The following INSC variants were observed in gnomAD, a reference collection of about 807,000 sequenced individuals.
INSC encodes the protein protein inscuteable homolog.
A neutral mutation model predicts 58.6 loss-of-function variants in INSC; 67 were observed. The observed-to-expected ratio is 1.14, with a 90% CI of 0.94 to 1.40. The LOEUF is 1.40. INSC is among the 40% of genes most tolerant of loss of function. The probability of loss-of-function intolerance (pLI) is 0.00; values close to 1 mark genes in which losing one functional copy is unlikely to be tolerated. For synonymous variants in INSC, 262 were observed against 276.1 expected (o/e 0.95, Z 0.51); for missense variants, 714 against 692.0 (o/e 1.03, Z -0.36).
chr11:15,187,737 A>G (rs1714374), intron 5 of INSC, among the ~76,000 whole-genome samples: 109,785 of 152,054 alleles, frequency 0.72, 40,637 homozygotes, highest in East Asian at 0.99. Flanking sequence ...TCTGCCTAGT[A>G]TGCATTTTAA....
intron 7 of INSC, among the ~76,000 whole-genome samples, chr11:15,216,323 T>C (rs1415940016): frequency 2.0e-5 from 3 of 152,174 alleles, no homozygotes; most frequent in African/African-American, 7.2e-5. Flanking sequence ...GAGAGAGGAA[T>C]TGATTGACTG....
At chr11:15,140,326 A>G (rs1020879031) in intron 1 of INSC, among the ~76,000 whole-genome samples, 6 of 152,174 alleles carry the variant, frequency 3.9e-5, no homozygotes, top group African/African-American at 1.4e-4. Flanking sequence ...CTCGTACTTG[A>G]TAACCACAGC....
At chr11:15,173,913 C>G (rs956332363) in intron 2 of INSC, among the ~76,000 whole-genome samples, 3 of 152,168 alleles carry the variant, frequency 2.0e-5, no homozygotes, top group African/African-American at 7.2e-5. Flanking sequence ...TTTTTAACCT[C>G]GATAACTGGA....
At chr11:15,240,327 C>T (rs951195802) in intron 11 of INSC, 120 bp from the exon 12 acceptor site, 18 of 797,346 alleles carry the variant, frequency 2.3e-5, no homozygotes, top group Admixed American at 8.3e-5. Flanking sequence ...CACAGACTCC[C>T]CGAGGTGGGT....
chr11:15,173,699 G>A (rs1480172396), intron 2 of INSC, among the ~76,000 whole-genome samples: 1 of 151,826 alleles, frequency 6.6e-6, no homozygotes, highest in African/African-American at 2.4e-5. Flanking sequence ...TTCCATGAAG[G>A]GAGGCAGAGA....
At chr11:15,116,788 T>TTCTTG (rs1335469621) in intron 1 of INSC, among the ~76,000 whole-genome samples, 6 of 147,072 alleles carry the variant, frequency 4.1e-5, no homozygotes, top group Non-Finnish European at 9.0e-5. Context: ...CTTCCTTCCT[T>TTCTTG]TCTTTTCTTT....
the INSC span, among the ~76,000 whole-genome samples, chr11:15,266,031 C>T: frequency 6.6e-6 from 1 of 151,806 alleles, no homozygotes; most frequent in African/African-American, 2.4e-5. Flanking sequence ...CCTGAGACCA[C>T]ATGCATATTT....
chr11:15,191,170 G>A (rs983438310), intron 6 of INSC, among the ~76,000 whole-genome samples: 27 of 151,976 alleles, frequency 1.8e-4, no homozygotes, highest in Admixed American at 5.9e-4. Flanking sequence ...TAGTAGAGAC[G>A]GGGTTTCACC....
Position 15,246,215 on chromosome 11 carries a change from G to T in INSC, c.*175G>T, listed in dbSNP as rs1852560790. The T allele has an allele frequency of 1.8e-6, 1 of 569,206 alleles. No homozygotes were observed. Among genetic ancestry groups the T allele is most frequent in the Admixed American group, 3.5e-5 (1 of 28,880 alleles). 35.3% of individuals were successfully genotyped at this position (569,206 alleles called of 1,614,324 possible). On this transcript the variant is annotated 3_prime_UTR_variant, in exon 13 of 13. Coordinates refer to ENST00000379556, the MANE Select transcript of INSC (RefSeq NM_001042536.3). The stretch of plus-strand genomic sequence containing the variant: ...GAGCAACATCATCAAACAGTCTTTG[G>T]TCCTTGAGAATCTTCTTTGTGTTTT...
chr11:15,148,629 T>TATGCC (rs74399430), intron 1 of INSC, among the ~76,000 whole-genome samples: 39,924 of 151,956 alleles, frequency 0.26, 5,458 homozygotes, highest in Middle Eastern at 0.33. Flanking sequence ...AAGCAACCAC[T>TATGCC]ATGCCGATAA....
At chr11:15,247,754 T>TATATATATATATATA (rs1222085174), downstream of INSC, among the ~76,000 whole-genome samples, 22 of 149,662 alleles carry the variant, frequency 1.5e-4, no homozygotes, top group African/African-American at 5.4e-4. Flanking sequence ...TATATATATA[T>TATATATATATATATA]ATTTCACTGA....
At chr11:15,122,002 C>T (rs1847885134) in intron 1 of INSC, among the ~76,000 whole-genome samples, 1 of 152,146 alleles carries the variant, frequency 6.6e-6, no homozygotes, top group Non-Finnish European at 1.5e-5. Context: ...AGCCATTTGT[C>T]TGAAGAGCCC....
At chr11:15,197,596 A>G (rs183946609) in intron 6 of INSC, among the ~76,000 whole-genome samples, 29 of 152,174 alleles carry the variant, frequency 1.9e-4, no homozygotes, top group African/African-American at 6.0e-4. Context: ...TCCTTCATCT[A>G]TCTTAGCTGC....
intron 2 of INSC, among the ~76,000 whole-genome samples, chr11:15,166,089 C>A (rs1355773808): frequency 6.6e-6 from 1 of 152,086 alleles, no homozygotes; most frequent in Non-Finnish European, 1.5e-5. Context: ...TTAAGTTGAC[C>A]AGGGATTGCC....
intron 6 of INSC, among the ~76,000 whole-genome samples, chr11:15,198,349 C>G (rs1744448520): frequency 1.3e-5 from 2 of 152,152 alleles, no homozygotes; most frequent in African/African-American, 4.8e-5. Flanking sequence ...CCCTCCCTCT[C>G]CTGGTAGCTA....
chr11:15,185,642 G>A (rs553442043), intron 5 of INSC, among the ~76,000 whole-genome samples: 10 of 151,968 alleles, frequency 6.6e-5, no homozygotes, highest in Non-Finnish European at 1.0e-4. Context: ...ATTAAATTCT[G>A]AAGGAAAATT....
At chr11:15,143,954 C>T (rs1457077394) in intron 1 of INSC, among the ~76,000 whole-genome samples, 1 of 152,170 alleles carries the variant, frequency 6.6e-6, no homozygotes, top group Admixed American at 6.5e-5. Flanking sequence ...GATTCTTCTG[C>T]AGGTACCACA....
At position 15,149,191 on chromosome 11, in the gene INSC, G is replaced by A; in HGVS notation, c.17G>A (p.Gly6Glu). 6.2e-7 allele frequency: 1 copy of A among 1,610,638 alleles called. No homozygotes were observed. Among genetic ancestry groups the A allele is most frequent in the East Asian group, 2.2e-5 (1 of 44,506 alleles). The change falls in exon 2 of 13, where the codon GGA becomes GAA. Residue 6 changes from glycine to glutamate, a missense_variant. By Grantham distance (98) the Gly-to-Glu change is moderately conservative (BLOSUM62 -2). Coordinates refer to ENST00000379556, the MANE Select transcript of INSC (RefSeq NM_001042536.3). Reference sequence around the variant, plus strand: ...GGGATCAACATGATGGCACTGCCTGGAGGTCGCCACCTGGACTCCGTCACC... The same window carrying A: ...GGGATCAACATGATGGCACTGCCTGAAGGTCGCCACCTGGACTCCGTCACC... The part of the protein sequence containing the change: MMALP[G>E]GRHLDSVTLP...
At chr11:15,262,578 A>G in the INSC span, among the ~76,000 whole-genome samples, 1 of 151,876 alleles carries the variant, frequency 6.6e-6, no homozygotes, top group African/African-American at 2.4e-5. Context: ...CTTGGCACCA[A>G]TAGAGAGAGG....
Sources: gnomAD v4.1 joint callset for allele counts (sites outside exome capture counted in the v4.1 genomes callset) on GRCh38, gnomAD v4.1.1 for gene constraint, MANE v1.5 for transcripts, NCBI Gene and HGNC (gene_info 2026-07-23, HGNC 2026-07-21) for gene names.